The following EIF4G3 variants were observed in gnomAD, a reference collection of about 807,000 sequenced individuals.
EIF4G3 encodes the protein eIF-4-gamma 3.
In EIF4G3, 34 loss-of-function variants were observed where a neutral mutation model predicts 186.4. The ratio of observed to expected loss-of-function variants is 0.18; its 90% CI spans 0.14 to 0.24. The LOEUF is 0.24. Among genes scored for constraint, EIF4G3 ranks in the 10% least tolerant of loss-of-function variants. EIF4G3 has a pLI of 1.00. For missense variants in EIF4G3, 1,536 were observed against 1,948.5 expected (o/e 0.79, Z 3.99); for synonymous variants, 673 against 679.5 (o/e 0.99, Z 0.15).
chr1:20,817,287 TAAAAATAAAA>T, intron 34 of EIF4G3, 95 bp downstream of exon 34: 7 of 368,074 alleles, frequency 1.9e-5, no homozygotes, highest in Non-Finnish European at 2.6e-5. Flanking sequence ...TAAAAAAAAA[TAAAAATAAAA>T]ATTCATGAAG....
chr1:21,068,318 G>A (rs557303181), intron 3 of EIF4G3, among the ~76,000 whole-genome samples: 4 of 138,952 alleles, frequency 2.9e-5, no homozygotes, highest in African/African-American at 5.2e-5. Context: ...GCAGTGAGCC[G>A]AGATCGTACC....
intron 3 of EIF4G3, among the ~76,000 whole-genome samples, chr1:21,085,518 G>A (rs147192907): frequency 4.3e-3 from 647 of 151,622 alleles, no homozygotes; most frequent in Non-Finnish European, 6.7e-3. Flanking sequence ...CTCCTGCCTC[G>A]GTCTCCCAAC....
intron 34 of EIF4G3, 139 bp downstream of exon 34, chr1:20,817,249 AAAAT>A (rs1418301191): frequency 9.6e-6 from 3 of 312,502 alleles, no homozygotes; most frequent in African/African-American, 5.1e-5. Context: ...TTAAAAAAAA[AAAAT>A]AAATAAATAA....
At position 20,901,524 on chromosome 1, in the gene EIF4G3, C is replaced by T. The variant is rs576390934; in HGVS notation, c.1753-1581G>A. Among the ~76,000 whole-genome samples the T allele has an allele frequency of 2.2e-4, 34 of 152,172 alleles. No homozygotes were observed. In the South Asian group the frequency reaches 4.1e-3, roughly 19 times the overall value. On this transcript the variant is annotated intron_variant, in intron 15 of 36. Coordinates refer to ENST00000602326, the MANE Select transcript of EIF4G3 (RefSeq NM_001391906.1). Reference sequence around the variant, plus strand: ...TTTTTTTTAGAGAATACAGTGCATCCTCTTCTCTGTACCTACAATCAACAA... The same window carrying T: ...TTTTTTTTAGAGAATACAGTGCATCTTCTTCTCTGTACCTACAATCAACAA...
At chr1:20,821,496 G>C (rs1173553982) in intron 33 of EIF4G3, among the ~76,000 whole-genome samples, 3 of 152,162 alleles carry the variant, frequency 2.0e-5, no homozygotes, top group African/African-American at 7.2e-5. Context: ...AACAGATCTT[G>C]CCAGTTCAAT....
rs2063283099 is a variant in EIF4G3, at chr1:20,825,137, G to A, written c.4331C>T (p.Pro1444Leu). ...AAAATTATGTACATCTTCTCCTTCT[G>A]GTAAAAAGTCCTTCCAGCTGAGGTC... Reference protein sequence around the residue: ...EADLSWKDFLPEGEDVHNFLL... With the variant: ...EADLSWKDFLLEGEDVHNFLL... Residue 1444 changes from proline (P) to leucine (L), a missense_variant, in exon 33 of 37, where the codon CCA becomes CTA. Around this residue, in one of 11 missense-constraint regions of EIF4G3, gnomAD observed 395 missense variants for 498.9 expected, o/e 0.79. Transcript: ENST00000602326. 5.6e-6 allele frequency: 9 copies of A among 1,612,494 alleles called. No individual in the cohort carries two copies. The East Asian group carries it at 2.0e-4, about 36-fold the overall frequency.
At chr1:20,902,339 G>A (rs1228214314) in intron 15 of EIF4G3, among the ~76,000 whole-genome samples, 1 of 152,184 alleles carries the variant, frequency 6.6e-6, no homozygotes, top group Non-Finnish European at 1.5e-5. Flanking sequence ...TGTGATTACA[G>A]GCGTAAGCCA....
At chr1:21,116,888 A>G (rs2096834632) in intron 2 of EIF4G3, among the ~76,000 whole-genome samples, 1 of 151,906 alleles carries the variant, frequency 6.6e-6, no homozygotes, top group African/African-American at 2.4e-5. Context: ...CAGGCACACA[A>G]GTATCTGTTA....
At chr1:21,094,084 T>G (rs998714740) in intron 2 of EIF4G3, among the ~76,000 whole-genome samples, 1 of 151,622 alleles carries the variant, frequency 6.6e-6, no homozygotes, top group African/African-American at 2.4e-5. Context: ...ACATGTACCC[T>G]AAAACTTAAA....
rs561768955 is a variant in EIF4G3, at chr1:21,075,924, G to A, written c.-196+13214C>T. Among the ~76,000 whole-genome samples the A allele has an allele frequency of 1.3e-3, 191 of 152,208 alleles. 1 individual carries two copies. The highest frequency in any genetic ancestry group is 4.4e-3 in the African/African-American group (181 of 41,526). On this transcript the variant is annotated intron_variant, in intron 3 of 36. Transcript: ENST00000602326. ...ATTCAACTTAAATATCCCACTCTCA[G>A]CATTGGACAGATGATCTAGAAAGAA...
At chr1:20,949,362 G>GTACT (rs2096105122) in intron 13 of EIF4G3, among the ~76,000 whole-genome samples, 1 of 152,204 alleles carries the variant, frequency 6.6e-6, no homozygotes, top group Admixed American at 6.5e-5. Flanking sequence ...AGACCTTAGT[G>GTACT]TACTATTCCT....
rs577618714 is a variant in EIF4G3, at chr1:21,131,970, A to C, written c.-271-42757T>G. Among the ~76,000 whole-genome samples, 11 of 151,408 alleles carry C rather than the reference A, an allele frequency of 7.3e-5. No homozygotes were observed. In the South Asian group the frequency reaches 2.3e-3, roughly 32 times the overall value. On this transcript the variant is annotated intron_variant, in intron 2 of 36. Coordinates refer to ENST00000602326, the MANE Select transcript of EIF4G3 (RefSeq NM_001391906.1). ...CTGGGAAACAGTGAGACACTGTCTC[A>C]AAAAAAAAATTTTTTTAATAATCAA... is the stretch of plus-strand genomic sequence containing the variant.
intron 4 of EIF4G3, among the ~76,000 whole-genome samples, chr1:21,040,648 T>A (rs1466146475): frequency 1.3e-5 from 2 of 152,198 alleles, no homozygotes; most frequent in African/African-American, 4.8e-5. Context: ...TTGACCAATT[T>A]GAGTTGAGAT....
At chr1:21,159,765 G>C (rs1055551763) in intron 2 of EIF4G3, among the ~76,000 whole-genome samples, 5 of 151,930 alleles carry the variant, frequency 3.3e-5, no homozygotes, top group Non-Finnish European at 7.4e-5. Flanking sequence ...CTGGGAGTTT[G>C]AGACCAGCCT....
intron 4 of EIF4G3, among the ~76,000 whole-genome samples, chr1:21,024,209 G>A (rs141505625): frequency 0.028 from 4,255 of 150,938 alleles, 129 homozygotes; most frequent in East Asian, 0.13. Flanking sequence ...CCCCATCCGG[G>A]AGGGAGGTGG....
At chr1:20,908,168 G>GT (rs1455423201) in intron 14 of EIF4G3, among the ~76,000 whole-genome samples, 7 of 152,080 alleles carry the variant, frequency 4.6e-5, no homozygotes, top group Middle Eastern at 6.8e-3. Context: ...TTTTTCATGT[G>GT]TTTTTTGGCT....
At chr1:21,075,025 A>T (rs2095544068) in intron 3 of EIF4G3, among the ~76,000 whole-genome samples, 2 of 152,198 alleles carry the variant, frequency 1.3e-5, no homozygotes, top group South Asian at 4.1e-4. Flanking sequence ...CAAAGAAGAA[A>T]GAAAAAAGAA....
intron 2 of EIF4G3, among the ~76,000 whole-genome samples, chr1:21,115,661 T>C (rs1375802907): frequency 1.3e-5 from 2 of 152,234 alleles, no homozygotes; most frequent in African/African-American, 4.8e-5. Context: ...AGAGCTGATA[T>C]ACAGCTCTCT....
intron 19 of EIF4G3, among the ~76,000 whole-genome samples, chr1:20,884,628 G>A (rs2083506866): frequency 6.6e-6 from 1 of 152,134 alleles, no homozygotes; most frequent in African/African-American, 2.4e-5. Flanking sequence ...TTGAAATGGA[G>A]AGAATTATCT....
Sources: allele counts gnomAD v4.1 joint callset (sites outside exome capture counted in the v4.1 genomes callset), GRCh38; gene constraint gnomAD v4.1.1; regional missense constraint gnomAD v4.1.1; transcripts MANE v1.5; gene names NCBI Gene and HGNC (gene_info 2026-07-23, HGNC 2026-07-21).